ARID1B: variants seen among roughly 807,000 people sequenced by gnomAD.
The protein encoded by ARID1B is AT-rich interactive domain-containing protein 1B.
A neutral mutation model predicts 212.3 loss-of-function variants in ARID1B; 30 were observed. That is an observed-to-expected ratio of 0.14 (90% confidence interval 0.11 to 0.19). The LOEUF is 0.19. ARID1B is among the 10% of genes least tolerant of loss of function. The probability of loss-of-function intolerance (pLI) is 1.00; values close to 1 mark genes in which losing one functional copy is unlikely to be tolerated. For missense variants in ARID1B, 2,891 were observed against 3,204.0 expected (o/e 0.90, Z 2.36); for synonymous variants, 1,402 against 1,301.7 (o/e 1.08, Z -1.66).
chr6:156,857,007 C>T (rs1017763393), intron 2 of ARID1B, among the ~76,000 whole-genome samples: 1 of 152,112 alleles, frequency 6.6e-6, no homozygotes. Flanking sequence ...ATGGGAGCCG[C>T]ATGGAGGAGC....
In ARID1B at chr6:156,955,749, G is replaced by T. The variant is rs1256514944; in HGVS notation, c.2247+20173G>T. 6.6e-6 allele frequency among the ~76,000 whole-genome samples: 1 copy of T among 152,142 alleles called. No homozygotes were observed. Among genetic ancestry groups the T allele is most frequent in the Non-Finnish European group, 1.5e-5 (1 of 68,024 alleles). ...TCTCCAGAAGGGCCCTAGAAACAGA[G>T]CCTGGATGTCATGGGGTCCAAGGCA... is the stretch of plus-strand genomic sequence containing the variant. On this transcript the variant is annotated intron_variant, in intron 4 of 19. Coordinates refer to ENST00000636930, the MANE Select transcript of ARID1B (RefSeq NM_001374828.1). The surrounding 1 kb of genome is among the most constrained non-coding windows in gnomAD (Gnocchi z 4.2).
At chr6:156,985,344 C>T (rs1186095595) in intron 4 of ARID1B, 6 of 152,132 alleles carry the variant, frequency 3.9e-5, no homozygotes, top group Non-Finnish European at 8.8e-5. Flanking sequence ...TTGTACTTAG[C>T]GTTTGTGTAT....
chr6:157,209,710 T>C lies in ARID1B; in HGVS notation c.*1819T>C, dbSNP rs1478043812. ...TGTATAATATTTATACTGTGCAATG[T>C]TAAAAAAGAATCTGTTATATTGTAT... On this transcript the variant is annotated 3_prime_UTR_variant, in exon 20 of 20. Coordinates refer to ENST00000636930, the MANE Select transcript of ARID1B (RefSeq NM_001374828.1). 4.3e-6 allele frequency: 1 copy of C among 233,158 alleles called. No individual in the cohort carries two copies. Among genetic ancestry groups the C allele is most frequent in the Non-Finnish European group, 8.5e-6 (1 of 118,046 alleles). 14.4% of individuals were successfully genotyped at this position (233,158 alleles called of 1,614,324 possible). A position where few individuals can be genotyped will look rare whatever the true frequency, so the allele number is the denominator to read the frequency against.
Position 156,779,215 on chromosome 6 carries a change from T to A in ARID1B, c.1535T>A (p.Met512Lys). 7.8e-7 allele frequency: 1 copy of A among 1,288,746 alleles called. No homozygotes were observed. The highest frequency in any genetic ancestry group is 9.9e-7 in the Non-Finnish European group (1 of 1,010,002). 79.8% of individuals were successfully genotyped at this position (1,288,746 alleles called of 1,614,324 possible). A position where few individuals can be genotyped will look rare whatever the true frequency, so the allele number is the denominator to read the frequency against. Residue 512 changes from methionine (M) to lysine (K), a missense_variant, in exon 1 of 20, where the codon ATG becomes AAG. Coordinates refer to ENST00000636930, the MANE Select transcript of ARID1B (RefSeq NM_001374828.1). ...LNQLLTSPSP[M>K]MRSYGGSYPE... is the part of the protein sequence containing the mutation. The stretch of plus-strand genomic sequence containing the variant: ...CAGCTGCTCACCTCGCCCAGCCCCA[T>A]GATGCGGAGCTACGGCGGCAGCTAC...
At chr6:157,025,423 A>G (rs1379171236) in intron 4 of ARID1B, among the ~76,000 whole-genome samples, 1 of 152,228 alleles carries the variant, frequency 6.6e-6, no homozygotes, top group Non-Finnish European at 1.5e-5. Flanking sequence ...ACGGTAGAAC[A>G]TTCTTGTTAC....
intron 2 of ARID1B, among the ~76,000 whole-genome samples, chr6:156,847,389 A>G (rs1784303921): frequency 6.6e-6 from 1 of 152,218 alleles, no homozygotes; most frequent in African/African-American, 2.4e-5. Context: ...CAGGGAACTC[A>G]GGAAGTGCTG....
intron 4 of ARID1B, among the ~76,000 whole-genome samples, chr6:157,014,122 C>T (rs575634271): frequency 3.7e-4 from 56 of 152,302 alleles, no homozygotes; most frequent in Middle Eastern, 3.4e-3. Context: ...ATCCAAAGAT[C>T]GTAGATGCTA....
chr6:157,140,342 C>T (rs563986443), intron 7 of ARID1B, among the ~76,000 whole-genome samples: 16 of 152,106 alleles, frequency 1.1e-4, no homozygotes, highest in East Asian at 3.9e-4. Context: ...TGGTGGCACG[C>T]GCCTGTAATC....
intron 2 of ARID1B, among the ~76,000 whole-genome samples, chr6:156,891,076 C>A (rs1035324935): frequency 1.3e-5 from 2 of 152,138 alleles, no homozygotes; most frequent in Non-Finnish European, 2.9e-5. Context: ...TATTTATTAC[C>A]TTCTAGCACA....
chr6:156,899,740 G>A (rs968503539), intron 2 of ARID1B, among the ~76,000 whole-genome samples: 3 of 152,010 alleles, frequency 2.0e-5, no homozygotes, highest in Admixed American at 2.0e-4. Flanking sequence ...AGAAAACAGC[G>A]CCCCCTCCCC....
rs1191602355 is a variant in ARID1B at position 157,199,595 on chromosome 6, TATA to T, written c.4479+694_4479+696del. On this transcript the variant is annotated intron_variant, in intron 17 of 19. Transcript: ENST00000636930. Reference sequence around the variant, plus strand: ...GAAAACTATATATATGTTATATAATTATAATAATTATATATAATAATATGTATA... The same window carrying T: ...GAAAACTATATATATGTTATATAATTATAATTATATATAATAATATGTATA... Among the ~76,000 whole-genome samples the T allele has an allele frequency of 3.3e-5, 5 of 149,270 alleles. No individual in the cohort carries two copies. The East Asian group carries it at 5.8e-4, about 17-fold the overall frequency.
chr6:156,846,617 A>G (rs989061087), intron 2 of ARID1B, among the ~76,000 whole-genome samples: 3 of 152,068 alleles, frequency 2.0e-5, no homozygotes, highest in South Asian at 2.1e-4. Flanking sequence ...ACATGCTGCT[A>G]TCTCCCCCTC....
intron 1 of ARID1B, among the ~76,000 whole-genome samples, chr6:156,804,507 C>A (rs965058032): frequency 6.6e-6 from 1 of 152,254 alleles, no homozygotes; most frequent in Middle Eastern, 3.4e-3. Context: ...ACTCATAGTT[C>A]TGCATGGCTG....
At chr6:157,197,618 G>T (rs900016469) in intron 16 of ARID1B, among the ~76,000 whole-genome samples, 1 of 152,110 alleles carries the variant, frequency 6.6e-6, no homozygotes, top group Admixed American at 6.5e-5. Flanking sequence ...TGATATATTC[G>T]TTAATCAGTT....
intron 5 of ARID1B, among the ~76,000 whole-genome samples, chr6:157,085,931 A>C (rs1238527131): frequency 6.6e-6 from 1 of 152,130 alleles, no homozygotes; most frequent in Admixed American, 6.5e-5. Flanking sequence ...TATCCTTTTA[A>C]TCTTTTTTAA....
At chr6:156,893,644 GAT>G (rs1403593595) in intron 2 of ARID1B, among the ~76,000 whole-genome samples, 1 of 151,918 alleles carries the variant, frequency 6.6e-6, no homozygotes, top group Non-Finnish European at 1.5e-5. Context: ...TTCCAAAGAA[GAT>G]ATATACATGG....
rs548096870 is a variant in ARID1B, at chr6:156,974,524, A to G, written c.2247+38948A>G. ...AGGTTAAATTGTTCCTTGAAAACAT[A>G]ACGCAGAACCAAAAACCCCCACATG... On this transcript the variant is annotated intron_variant, in intron 4 of 19. Coordinates refer to ENST00000636930, the MANE Select transcript of ARID1B (RefSeq NM_001374828.1). 7.9e-5 allele frequency among the ~76,000 whole-genome samples: 12 copies of G among 152,350 alleles called. No homozygotes were observed. The South Asian group carries it at 1.0e-3, about 13-fold the overall frequency.
At chr6:156,848,691 T>G (rs1464314457) in intron 2 of ARID1B, among the ~76,000 whole-genome samples, 1 of 152,184 alleles carries the variant, frequency 6.6e-6, no homozygotes, top group East Asian at 1.9e-4. Flanking sequence ...ATACCCGGTG[T>G]GTGGTCTGCC....
chr6:156,966,376 C>CT (rs1794739195), intron 4 of ARID1B, among the ~76,000 whole-genome samples: 1 of 90,556 alleles, frequency 1.1e-5, no homozygotes, highest in African/African-American at 4.7e-5. Flanking sequence ...AATAACTTTT[C>CT]TTTTCTTTTC....
Sources: gnomAD v4.1 joint callset for allele counts (sites outside exome capture counted in the v4.1 genomes callset) on GRCh38, gnomAD v4.1.1 for gene constraint, Gnocchi (gnomAD v3.1) non-coding constraint, MANE v1.5 for transcripts, NCBI Gene and HGNC (gene_info 2026-07-23, HGNC 2026-07-21) for gene names.